NLRP13: variants seen among roughly 807,000 people sequenced by gnomAD.
The protein encoded by NLRP13 is NACHT, LRR and PYD domains-containing protein 13.
Under a neutral mutation model 94.4 loss-of-function variants are expected in NLRP13, and 82 were observed. The observed-to-expected ratio is 0.87, with a 90% CI of 0.73 to 1.04. NLRP13 has a LOEUF of 1.04. Among genes scored for constraint, NLRP13 ranks in the 50% least tolerant of loss-of-function variants. NLRP13 has a pLI of 0.00. For missense variants in NLRP13, 1,426 were observed against 1,230.8 expected, an observed-to-expected ratio of 1.16 and a Z score of -2.37; for synonymous variants, 553 against 464.7, an observed-to-expected ratio of 1.19 and a Z score of -2.45.
At chr19:55,893,833 C>T (rs1470687967), downstream of NLRP13, among the ~76,000 whole-genome samples, 5 of 152,216 alleles carry the variant, frequency 3.3e-5, no homozygotes, top group Non-Finnish European at 5.9e-5. Flanking sequence ...GCATGATAGA[C>T]AGCAGAGAAG....
intron 4 of NLRP13, among the ~76,000 whole-genome samples, chr19:55,914,167 A>G (rs1480223520): frequency 6.6e-6 from 1 of 152,076 alleles, no homozygotes; most frequent in Admixed American, 6.5e-5. Context: ...CAAAATGACT[A>G]CTGTGGGGCC....
chr19:55,907,141 G>A (rs780517832), intron 7 of NLRP13, among the ~76,000 whole-genome samples: 14 of 151,884 alleles, frequency 9.2e-5, no homozygotes, highest in Admixed American at 2.0e-4. Flanking sequence ...GTATTTTTTA[G>A]TAGAGACGGG....
intron 7 of NLRP13, 27 bp from the exon 8 acceptor site, chr19:55,905,139 G>A: frequency 6.2e-7 from 1 of 1,611,458 alleles, no homozygotes; most frequent in South Asian, 1.1e-5. Flanking sequence ...TGCAAGGTGA[G>A]CCTCAGCCAT....
intron 10 of NLRP13, among the ~76,000 whole-genome samples, chr19:55,897,662 C>G (rs1194914316): frequency 6.6e-6 from 1 of 152,074 alleles, no homozygotes; most frequent in African/African-American, 2.4e-5. Flanking sequence ...AAATTTGGCA[C>G]TGCAGATAAC....
rs556040413 is a variant in NLRP13 at position 55,919,823 on chromosome 19, G to T, written c.523+4091C>A. On this transcript the variant is annotated intron_variant, in intron 4 of 10. Coordinates refer to ENST00000342929, the MANE Select transcript of NLRP13 (RefSeq NM_176810.2). ...CAGTGACATATTTCACAGAATTAGA[G>T]AAAACAATCCTAAAATTCATATGGA... Among the ~76,000 whole-genome samples the T allele has an allele frequency of 2.0e-5, 3 of 152,048 alleles. No individual in the cohort carries two copies. In the South Asian group the frequency reaches 6.2e-4, roughly 32 times the overall value.
At chr19:55,905,246 AG>A in intron 7 of NLRP13, 134 bp from the exon 8 acceptor site, 1 of 1,059,910 alleles carries the variant, frequency 9.4e-7, no homozygotes, top group Non-Finnish European at 1.3e-6. Context: ...AAAAGCTTAA[AG>A]AAGGAGAAAA....
At chr19:55,931,933 T>TAC in intron 1 of NLRP13, 60 bp downstream of exon 1, 5 of 1,511,590 alleles carry the variant, frequency 3.3e-6, no homozygotes, top group Non-Finnish European at 4.5e-6. Context: ...ACCCAGCGGC[T>TAC]ACCTCCTTGC....
intron 4 of NLRP13, among the ~76,000 whole-genome samples, chr19:55,918,206 A>T (rs1041368504): frequency 6.6e-6 from 1 of 151,722 alleles, no homozygotes; most frequent in African/African-American, 2.4e-5. Context: ...AGTTTTTTGA[A>T]ACTAATGAAA....
chr19:55,899,837 GTAA>G (rs1326940312), intron 9 of NLRP13, among the ~76,000 whole-genome samples: 1 of 152,116 alleles, frequency 6.6e-6, no homozygotes, highest in Non-Finnish European at 1.5e-5. Context: ...AAGGCCAAGT[GTAA>G]GAGAACTGCC....
intron 4 of NLRP13, among the ~76,000 whole-genome samples, chr19:55,921,920 T>C (rs1277504007): frequency 2.0e-5 from 3 of 152,202 alleles, no homozygotes; most frequent in Non-Finnish European, 2.9e-5. Flanking sequence ...ATTGGTATAT[T>C]AGTCTGTTCT....
At chr19:55,923,551 G>A (rs1473786889) in intron 4 of NLRP13, among the ~76,000 whole-genome samples, 1 of 152,182 alleles carries the variant, frequency 6.6e-6, no homozygotes, top group Admixed American at 6.5e-5. Flanking sequence ...GTTGACTCAA[G>A]GCCTTTGTCA....
chr19:55,907,425 C>A (rs771031463), intron 7 of NLRP13, among the ~76,000 whole-genome samples: 3 of 151,938 alleles, frequency 2.0e-5, no homozygotes, highest in Non-Finnish European at 2.9e-5. Flanking sequence ...TACAAAAATT[C>A]ACTGGGTGTG....
intron 6 of NLRP13, among the ~76,000 whole-genome samples, chr19:55,908,449 C>T (rs536647143): frequency 1.3e-5 from 2 of 152,178 alleles, no homozygotes; most frequent in South Asian, 4.1e-4. Flanking sequence ...GTAAATCGTT[C>T]TATTATAAAG....
rs61746956 is a variant in NLRP13, at chr19:55,911,889, T to A, written c.1928A>T (p.His643Leu). ...TGTGAAGTCTTCCTCCTGGGACTCG[T>A]GTAGGCAGTGAAAAAGTCGTAGAAT... Reference protein sequence around the residue: ...FHILRLFHCLHESQEEDFTKK... With the variant: ...FHILRLFHCLLESQEEDFTKK... The change falls in exon 5 of 11, where the codon CAC (histidine) becomes CTC (leucine). Residue 643 changes from histidine to leucine, a missense_variant. Coordinates refer to ENST00000342929, the MANE Select transcript of NLRP13 (RefSeq NM_176810.2). 46 of 1,614,064 alleles carry A rather than the reference T, an allele frequency of 2.8e-5. No homozygotes were observed. Among genetic ancestry groups the A allele is most frequent in the Non-Finnish European group, 3.6e-5 (42 of 1,180,008 alleles).
chr19:55,897,892 A>G (rs1986057310), intron 10 of NLRP13, among the ~76,000 whole-genome samples: 1 of 152,200 alleles, frequency 6.6e-6, no homozygotes, highest in Non-Finnish European at 1.5e-5. Flanking sequence ...AACATCACTG[A>G]GCTAATGGAA....
At chr19:55,894,515 T>G (rs1985946509), downstream of NLRP13, among the ~76,000 whole-genome samples, 1 of 152,132 alleles carries the variant, frequency 6.6e-6, no homozygotes, top group Non-Finnish European at 1.5e-5. Context: ...TCTAGTCACC[T>G]CTCATGTTCC....
rs145993445 is a variant in NLRP13 at position 55,912,769 on chromosome 19, T to C, written c.1048A>G (p.Lys350Glu). ...PVTKILHSLL[K>E]KELVPLATLL... The stretch of plus-strand genomic sequence containing the variant: ...GTAGCCAGGGGAACCAATTCTTTCT[T>C]CAACAAGCTGTGTAGGATTTTGGTC... Residue 350 changes from lysine to glutamate, a missense_variant, in exon 5 of 11, where the codon AAG becomes GAG. Physicochemically the swap from Lys to Glu is moderately conservative, Grantham distance 56. Transcript: ENST00000342929. 1.0e-3 allele frequency: 1,611 copies of C among 1,614,150 alleles called. 3 individuals carry two copies. Among genetic ancestry groups the C allele is most frequent in the Non-Finnish European group, 1.3e-3 (1,551 of 1,180,026 alleles).
chr19:55,922,496 T>A (rs183544174), intron 4 of NLRP13, among the ~76,000 whole-genome samples: 10 of 152,102 alleles, frequency 6.6e-5, no homozygotes, highest in Non-Finnish European at 1.2e-4. Flanking sequence ...CCCGGCTAAT[T>A]TTTGTATTTT....
At chr19:55,924,086 G>C (rs540171676) in intron 3 of NLRP13, 107 bp from the exon 4 acceptor site, 59 of 831,046 alleles carry the variant, frequency 7.1e-5, no homozygotes, top group Middle Eastern at 2.3e-4. Context: ...AAACTTGAGA[G>C]TGAAGAGACT....
Sources: gnomAD v4.1 joint callset for allele counts (sites outside exome capture counted in the v4.1 genomes callset) on GRCh38, gnomAD v4.1.1 for gene constraint, MANE v1.5 for transcripts, NCBI Gene and HGNC (gene_info 2026-07-23, HGNC 2026-07-21) for gene names.